Variants in SEMA3A observed in about 807,000 individuals in gnomAD.
The protein encoded by SEMA3A is semaphorin-3A.
SEMA3A carries 29 observed loss-of-function variants against 97.9 expected under a neutral mutation model. The observed-to-expected ratio is 0.30, with a 90% CI of 0.22 to 0.40. SEMA3A has a LOEUF of 0.40. SEMA3A is among the 10% of genes least tolerant of loss of function. The pLI, the probability that SEMA3A is intolerant of heterozygous loss-of-function variation, is 1.00. For synonymous variants in SEMA3A, 321 were observed against 323.7 expected (o/e 0.99, Z 0.09); for missense variants, 763 against 951.3 (o/e 0.80, Z 2.60).
chr7:84,227,851 G>C (rs936102535), intron 3 of SEMA3A, among the ~76,000 whole-genome samples: 3 of 151,676 alleles, frequency 2.0e-5, no homozygotes, highest in Non-Finnish European at 4.4e-5. Flanking sequence ...TCTTTCCCTA[G>C]CTACTGAAAG....
chr7:84,189,663 A>G (rs1224341653), intron 1 of SEMA3A, among the ~76,000 whole-genome samples: 2 of 151,652 alleles, frequency 1.3e-5, no homozygotes, highest in Admixed American at 6.6e-5. Context: ...GCCCTATACA[A>G]TTATTTATTC....
upstream of SEMA3A, among the ~76,000 whole-genome samples, chr7:84,196,455 AAG>A (rs1798234915): frequency 6.6e-6 from 1 of 151,874 alleles, no homozygotes; most frequent in South Asian, 2.1e-4. Context: ...GGAGGATTTA[AAG>A]AGGGGGAGAA....
intron 4 of SEMA3A, among the ~76,000 whole-genome samples, chr7:84,084,721 A>G (rs780839667): frequency 5.9e-5 from 9 of 152,082 alleles, no homozygotes; most frequent in Non-Finnish European, 7.4e-5. Context: ...TGGTTGTTCT[A>G]TGTGACATAA....
At chr7:84,425,637 C>T (rs192158733) in intron 1 of SEMA3A, among the ~76,000 whole-genome samples, 16 of 145,910 alleles carry the variant, frequency 1.1e-4, no homozygotes, top group East Asian at 7.9e-4. Flanking sequence ...TAAATATAAA[C>T]GTATAAATAT....
chr7:84,028,705 C>T (rs774153554), intron 6 of SEMA3A, among the ~76,000 whole-genome samples: 4 of 152,078 alleles, frequency 2.6e-5, no homozygotes, highest in East Asian at 1.9e-4. Context: ...CCTGGGTTCA[C>T]GTGATTCTCC....
At chr7:84,000,791 A>G (rs1268810592) in intron 12 of SEMA3A, among the ~76,000 whole-genome samples, 2 of 152,182 alleles carry the variant, frequency 1.3e-5, no homozygotes, top group African/African-American at 4.8e-5. Context: ...GAATGAATAT[A>G]TATTAGGAGC....
rs115457641 is a variant in SEMA3A at position 83,988,927 on chromosome 7, G to A, written c.1453-3450C>T. On this transcript the variant is annotated intron_variant, in intron 12 of 16. Coordinates refer to ENST00000265362, the MANE Select transcript of SEMA3A (RefSeq NM_006080.3). ...GGCTGGAGTGCAGTGGTGCGATCTC[G>A]GCTCACTGCAGGATCCGCACCCCCC... is the stretch of plus-strand genomic sequence containing the variant. 7.7e-3 allele frequency among the ~76,000 whole-genome samples: 1,130 copies of A among 146,970 alleles called. 19 individuals are homozygous for A. Among genetic ancestry groups the A allele is most frequent in the African/African-American group, 0.027 (1,049 of 39,408 alleles).
intron 1 of SEMA3A, among the ~76,000 whole-genome samples, chr7:84,491,500 T>C (rs908628208): frequency 6.6e-6 from 1 of 152,160 alleles, no homozygotes; most frequent in African/African-American, 2.4e-5. Context: ...TCTATGTGTT[T>C]ATTTCTTACA....
At chr7:84,249,653 A>C (rs1799561718) in intron 3 of SEMA3A, among the ~76,000 whole-genome samples, 1 of 152,080 alleles carries the variant, frequency 6.6e-6, no homozygotes. Flanking sequence ...GATACTGAAA[A>C]GAACCATGAT....
At chr7:84,069,883 A>T (rs1332923976) in intron 4 of SEMA3A, among the ~76,000 whole-genome samples, 1 of 152,136 alleles carries the variant, frequency 6.6e-6, no homozygotes, top group African/African-American at 2.4e-5. Context: ...AAGGTATTGA[A>T]TTATCATGAA....
chr7:84,038,054 T>G (rs1376800541), intron 6 of SEMA3A, among the ~76,000 whole-genome samples: 1 of 152,164 alleles, frequency 6.6e-6, no homozygotes, highest in Non-Finnish European at 1.5e-5. Context: ...TTAGAACATT[T>G]TTAATGCTTT....
chr7:84,434,866 T>C (rs1228943), intron 1 of SEMA3A, among the ~76,000 whole-genome samples: 27,016 of 152,026 alleles, frequency 0.18, 2,543 homozygotes, highest in Middle Eastern at 0.23. Flanking sequence ...TATGTCAAAA[T>C]ATTAAGAGCC....
intron 3 of SEMA3A, among the ~76,000 whole-genome samples, chr7:84,243,131 A>T (rs1799404103): frequency 6.6e-6 from 1 of 152,092 alleles, no homozygotes; most frequent in African/African-American, 2.4e-5. Flanking sequence ...TGTCTCTGCC[A>T]GGTTTTGGTA....
intron 3 of SEMA3A, among the ~76,000 whole-genome samples, chr7:84,123,311 T>C (rs564114837): frequency 1.6e-4 from 24 of 152,090 alleles, no homozygotes; most frequent in Non-Finnish European, 2.5e-4. Context: ...AATACAGGTA[T>C]CTCGACTGTA....
chr7:84,010,909 T>G, intron 9 of SEMA3A, 113 bp downstream of exon 9: 1 of 699,626 alleles, frequency 1.4e-6, no homozygotes, highest in African/African-American at 1.8e-5. Context: ...ACACAACAGC[T>G]CAAAGGTTAA....
chr7:84,080,233 A>G (rs1361780246), intron 4 of SEMA3A, among the ~76,000 whole-genome samples: 5 of 146,366 alleles, frequency 3.4e-5, no homozygotes, highest in Non-Finnish European at 6.0e-5. Flanking sequence ...GGATAGCATT[A>G]GGAGATATCC....
intron 1 of SEMA3A, among the ~76,000 whole-genome samples, chr7:84,403,032 A>G (rs927147263): frequency 1.3e-5 from 2 of 152,066 alleles, no homozygotes; most frequent in African/African-American, 4.8e-5. Context: ...CTCACTGGGG[A>G]GTGCCGGAGA....
chr7:84,164,155 A>G (rs1797133267), intron 1 of SEMA3A, among the ~76,000 whole-genome samples: 1 of 152,090 alleles, frequency 6.6e-6, no homozygotes, highest in Non-Finnish European at 1.5e-5. Context: ...ACACAGTACT[A>G]TTTTTACCAA....
chr7:84,052,701 T>C (rs1450626062), intron 5 of SEMA3A, among the ~76,000 whole-genome samples: 1 of 152,018 alleles, frequency 6.6e-6, no homozygotes, highest in Non-Finnish European at 1.5e-5. Flanking sequence ...TTTTTTTGTG[T>C]CTCTATTTCC....
Sources: allele counts gnomAD v4.1 joint callset (sites outside exome capture counted in the v4.1 genomes callset), GRCh38; gene constraint gnomAD v4.1.1; transcripts MANE v1.5; gene names NCBI Gene and HGNC (gene_info 2026-07-23, HGNC 2026-07-21).